Variants in RGS6 observed in about 807,000 individuals in gnomAD.
RGS6 encodes the protein regulator of G-protein signaling 6.
A neutral mutation model predicts 78.5 loss-of-function variants in RGS6; 30 were observed. The ratio of observed to expected loss-of-function variants is 0.38; its 90% CI spans 0.29 to 0.52. The LOEUF is 0.52. Among genes scored for constraint, RGS6 ranks in the 20% least tolerant of loss-of-function variants. RGS6 has a pLI of 0.85. For missense variants in RGS6, 495 were observed against 609.7 expected, an observed-to-expected ratio of 0.81 and a Z score of 1.98; for synonymous variants, 206 against 206.0, an observed-to-expected ratio of 1.00 and a Z score of 0.00.
At chr14:72,209,877 T>A (rs1337837185) in intron 2 of RGS6, among the ~76,000 whole-genome samples, 1 of 152,250 alleles carries the variant, frequency 6.6e-6, no homozygotes, top group African/African-American at 2.4e-5. Context: ...GAAAGCACTC[T>A]TGATGAAACA....
chr14:72,541,360 A>G (rs767434542), intron 17 of RGS6: 2 of 1,369,114 alleles, frequency 1.5e-6, no homozygotes, highest in Non-Finnish European at 2.0e-6. Flanking sequence ...TGAATTTGCT[A>G]CATGTAAACC....
the RGS6 span, among the ~76,000 whole-genome samples, chr14:72,585,965 G>T: frequency 1.3e-5 from 2 of 152,076 alleles, no homozygotes; most frequent in African/African-American, 4.8e-5. Flanking sequence ...ATTATCTTTC[G>T]AAGACACAAT....
rs12879066 is a variant in RGS6, at chr14:72,411,049, C to T, written c.185-43479C>T. Among the ~76,000 whole-genome samples, 17 of 152,232 alleles carry T rather than the reference C, an allele frequency of 1.1e-4. No individual in the cohort carries two copies. The East Asian group carries it at 1.4e-3, about 12-fold the overall frequency. ...TTGGCTTAGGATTGACTTGGTAATGCGGGCTCTTTTTTGGTTCCATATGAA... is the reference window on the plus strand; with the variant it reads ...TTGGCTTAGGATTGACTTGGTAATGTGGGCTCTTTTTTGGTTCCATATGAA... On this transcript the variant is annotated intron_variant, in intron 3 of 17. Coordinates refer to ENST00000553525, the MANE Select transcript of RGS6 (RefSeq NM_001204424.2).
intron 3 of RGS6, among the ~76,000 whole-genome samples, chr14:72,358,995 G>A (rs1020114187): frequency 6.6e-6 from 1 of 152,212 alleles, no homozygotes; most frequent in African/African-American, 2.4e-5. Flanking sequence ...ATGATAGTGA[G>A]TGAGTTCTCA....
At chr14:72,562,345 C>A in intron 17 of RGS6, 72 bp from the exon 18 acceptor site, 1 of 1,471,244 alleles carries the variant, frequency 6.8e-7, no homozygotes, top group Non-Finnish European at 9.4e-7. Flanking sequence ...ATTAATTCAC[C>A]TGTCTGGCTC....
downstream of RGS6, among the ~76,000 whole-genome samples, chr14:72,567,845 A>T (rs2097715486): frequency 6.6e-6 from 1 of 152,144 alleles, no homozygotes; most frequent in South Asian, 2.1e-4. Context: ...AGAAACACCC[A>T]TATGAACCCC....
chr14:72,564,919 A>G lies in RGS6; in HGVS notation c.*2452A>G, dbSNP rs2097702855. The G allele has an allele frequency of 6.6e-6, 1 of 152,356 alleles. No homozygotes were observed. Among genetic ancestry groups the G allele is most frequent in the African/African-American group, 2.4e-5 (1 of 41,440 alleles). 9.4% of individuals were successfully genotyped at this position (152,356 alleles called of 1,614,324 possible). ...AATACTCTCACACCACCCCACAGCT[A>G]AGGCACTCATGTTCCCCAGTAGATC... On this transcript the variant is annotated 3_prime_UTR_variant, in exon 18 of 18. Coordinates refer to ENST00000553525, the MANE Select transcript of RGS6 (RefSeq NM_001204424.2).
In RGS6 at chr14:72,547,137, G is replaced by C. The variant is rs930011595; in HGVS notation, c.1422+7043G>C. The C allele has an allele frequency of 7.8e-6, 12 of 1,532,038 alleles. No individual in the cohort carries two copies. In the African/African-American group the frequency reaches 1.6e-4, roughly 21 times the overall value. 94.9% of individuals were successfully genotyped at this position (1,532,038 alleles called of 1,614,324 possible). A position where few individuals can be genotyped will look rare whatever the true frequency, so the allele number is the denominator to read the frequency against. ...GGGAAGGCCGACCACTCAGAAGACA[G>C]GATGCCCGCCTCTGCCTAGGACAGA... On this transcript the variant is annotated intron_variant, in intron 17 of 17. Transcript: ENST00000553525.
chr14:72,036,773 T>G (rs2091772587), intron 2 of RGS6, among the ~76,000 whole-genome samples: 1 of 152,184 alleles, frequency 6.6e-6, no homozygotes, highest in Non-Finnish European at 1.5e-5. Flanking sequence ...AGTCTGTAGT[T>G]TGCCTTTTTA....
chr14:72,208,523 C>T (rs2043223287), intron 2 of RGS6, among the ~76,000 whole-genome samples: 2 of 152,206 alleles, frequency 1.3e-5, no homozygotes, highest in Admixed American at 1.3e-4. Flanking sequence ...GTATAATGGT[C>T]TTTCTATTGA....
At chr14:72,319,269 A>G (rs2071185435) in intron 2 of RGS6, among the ~76,000 whole-genome samples, 1 of 152,216 alleles carries the variant, frequency 6.6e-6, no homozygotes, top group African/African-American at 2.4e-5. Flanking sequence ...AAACAGAAAT[A>G]AAGAGGTCAG....
intron 2 of RGS6, among the ~76,000 whole-genome samples, chr14:72,247,464 T>A (rs1490894880): frequency 6.6e-6 from 1 of 152,214 alleles, no homozygotes; most frequent in Non-Finnish European, 1.5e-5. Flanking sequence ...AGTGACCAAA[T>A]GCAATTGCTT....
Position 72,563,159 on chromosome 14 carries a change from C to A in RGS6, c.*692C>A. 3.9e-6 allele frequency: 1 copy of A among 257,252 alleles called. No homozygotes were observed. The highest frequency in any genetic ancestry group is 7.7e-6 in the Non-Finnish European group (1 of 129,366). The allele number at this position is 257,252 out of a possible 1,614,324, so 15.9% of individuals were successfully genotyped here. A position where few individuals can be genotyped will look rare whatever the true frequency, so the allele number is the denominator to read the frequency against. On this transcript the variant is annotated 3_prime_UTR_variant, in exon 18 of 18. Transcript: ENST00000553525. Reference sequence around the variant, plus strand: ...CGGTGGCTGCCCTCAGGTCCCGTCACATGTCTCAAGGGTCCAGCGTTCGAG... The same window carrying A: ...CGGTGGCTGCCCTCAGGTCCCGTCAAATGTCTCAAGGGTCCAGCGTTCGAG...
the RGS6 span, among the ~76,000 whole-genome samples, chr14:72,611,076 T>A: frequency 6.6e-6 from 1 of 152,158 alleles, no homozygotes; most frequent in Non-Finnish European, 1.5e-5. Context: ...CTGGGAGTCA[T>A]GTGCCATCCA....
intron 2 of RGS6, among the ~76,000 whole-genome samples, chr14:72,041,938 C>G (rs4902979): frequency 0.044 from 6,650 of 152,100 alleles, 181 homozygotes; most frequent in African/African-American, 0.078. Flanking sequence ...GATTCCATAT[C>G]TGTTTCTATC....
chr14:71,927,950 G>T (rs113912362), upstream of RGS6, among the ~76,000 whole-genome samples: 1 of 151,946 alleles, frequency 6.6e-6, no homozygotes, highest in Non-Finnish European at 1.5e-5. Flanking sequence ...GAGCCACCGC[G>T]CCCGGCCAAG....
intron 3 of RGS6, among the ~76,000 whole-genome samples, chr14:72,385,943 C>T (rs1214072247): frequency 6.6e-6 from 1 of 152,138 alleles, no homozygotes; most frequent in Non-Finnish European, 1.5e-5. Flanking sequence ...CATTTTGCCA[C>T]CAAGAAGCTC....
chr14:72,396,411 G>T (rs1318361220), intron 3 of RGS6, among the ~76,000 whole-genome samples: 5 of 151,916 alleles, frequency 3.3e-5, no homozygotes, highest in South Asian at 2.1e-4. Context: ...TAAATTTGTT[G>T]GAGTTCATTG....
chr14:72,226,465 AAAG>A (rs2048146106), intron 2 of RGS6, among the ~76,000 whole-genome samples: 1 of 152,220 alleles, frequency 6.6e-6, no homozygotes, highest in African/African-American at 2.4e-5. Flanking sequence ...CTCTGGGAGA[AAAG>A]AAAAACTTTT....
Sources: gnomAD v4.1 joint callset for allele counts (sites outside exome capture counted in the v4.1 genomes callset) on GRCh38, gnomAD v4.1.1 for gene constraint, MANE v1.5 for transcripts, NCBI Gene and HGNC (gene_info 2026-07-23, HGNC 2026-07-21) for gene names.